GPC5: variants seen among roughly 807,000 people sequenced by gnomAD.
GPC5 encodes glypican 5, also known as glypican-5.
Under a neutral mutation model 53.9 loss-of-function variants are expected in GPC5, and 47 were observed. The ratio of observed to expected loss-of-function variants is 0.87; its 90% confidence interval spans 0.69 to 1.11. The LOEUF is 1.11. GPC5 is among the 50% of genes most tolerant of loss of function. The probability of loss-of-function intolerance (pLI) is 0.00; values close to 1 mark genes in which losing one functional copy is unlikely to be tolerated. For synonymous variants in GPC5, 286 were observed against 263.3 expected (o/e 1.09, Z -0.84); for missense variants, 748 against 713.1 (o/e 1.05, Z -0.56).
At chr13:91,569,997 A>G (rs902204339) in intron 2 of GPC5, among the ~76,000 whole-genome samples, 3 of 152,334 alleles carry the variant, frequency 2.0e-5, no homozygotes, top group South Asian at 4.1e-4. Flanking sequence ...TGAAAGAATA[A>G]GATAACAATT....
At chr13:92,740,281 T>G (rs1423430129) in intron 7 of GPC5, among the ~76,000 whole-genome samples, 1 of 152,084 alleles carries the variant, frequency 6.6e-6, no homozygotes. Context: ...TGAAGCACCA[T>G]GCACTTTGGC....
intron 6 of GPC5, among the ~76,000 whole-genome samples, chr13:91,955,224 G>T (rs2040062303): frequency 6.6e-6 from 1 of 152,070 alleles, no homozygotes; most frequent in Non-Finnish European, 1.5e-5. Context: ...ATTTAAATTG[G>T]CAAGCAGATT....
intron 2 of GPC5, among the ~76,000 whole-genome samples, chr13:91,681,139 A>G (rs966682346): frequency 6.6e-6 from 1 of 152,174 alleles, no homozygotes; most frequent in Admixed American, 6.5e-5. Flanking sequence ...TTACTGAGCT[A>G]CATATGTAAA....
intron 7 of GPC5, among the ~76,000 whole-genome samples, chr13:92,743,430 G>A (rs944146846): frequency 4.6e-5 from 7 of 152,134 alleles, no homozygotes; most frequent in Non-Finnish European, 7.3e-5. Flanking sequence ...TTTGCACATT[G>A]ATTTTGTATC....
chr13:91,830,175 G>A (rs757392772), intron 5 of GPC5, among the ~76,000 whole-genome samples: 6 of 151,972 alleles, frequency 3.9e-5, no homozygotes, highest in Non-Finnish European at 8.8e-5. Context: ...CCCCAGGCAC[G>A]TATTCTCTTT....
intron 6 of GPC5, among the ~76,000 whole-genome samples, chr13:92,133,361 C>T (rs776676409): frequency 3.3e-5 from 5 of 152,032 alleles, no homozygotes; most frequent in Non-Finnish European, 7.4e-5. Context: ...AGAATGAGCT[C>T]CTTTTGGAAG....
At chr13:91,498,239 A>ATTTTTTTTTTTTTT (rs60732957) in intron 2 of GPC5, among the ~76,000 whole-genome samples, 1 of 110,234 alleles carries the variant, frequency 9.1e-6, no homozygotes, top group African/African-American at 3.4e-5. Context: ...CTACCCAAAG[A>ATTTTTTTTTTTTTT]TTTTTTTTTT....
chr13:92,359,277 C>T (rs1072917), intron 7 of GPC5, among the ~76,000 whole-genome samples: 29,218 of 151,414 alleles, frequency 0.19, 3,205 homozygotes, highest in South Asian at 0.35. Flanking sequence ...CAGGAATGAC[C>T]TTTACTCCAT....
chr13:92,077,985 A>G (rs1476075494), intron 6 of GPC5, among the ~76,000 whole-genome samples: 1 of 52,016 alleles, frequency 1.9e-5, no homozygotes, highest in Admixed American at 2.0e-4. Flanking sequence ...AGATAGATAT[A>G]CATACATACA....
At chr13:91,543,683 C>T (rs1026903110) in intron 2 of GPC5, among the ~76,000 whole-genome samples, 4 of 152,228 alleles carry the variant, frequency 2.6e-5, no homozygotes, top group Admixed American at 6.5e-5. Context: ...TTCAGTTAAT[C>T]GTTCAGGTTG....
At chr13:91,456,115 A>C (rs1017609832) in intron 2 of GPC5, among the ~76,000 whole-genome samples, 11 of 152,154 alleles carry the variant, frequency 7.2e-5, no homozygotes, top group South Asian at 6.2e-4. Context: ...CCAGTCTCTT[A>C]CATTTATTAT....
intron 6 of GPC5, among the ~76,000 whole-genome samples, chr13:91,922,290 A>G (rs1038521516): frequency 6.6e-6 from 1 of 152,150 alleles, no homozygotes; most frequent in African/African-American, 2.4e-5. Flanking sequence ...TAGTACTCTG[A>G]TAAATATAAA....
intron 7 of GPC5, among the ~76,000 whole-genome samples, chr13:92,615,936 C>T (rs1278876676): frequency 2.6e-5 from 4 of 152,140 alleles, no homozygotes; most frequent in African/African-American, 9.6e-5. Flanking sequence ...TGCCTGTAGT[C>T]CCAGCTACTT....
At chr13:91,794,785 G>A (rs1383659261) in intron 5 of GPC5, among the ~76,000 whole-genome samples, 1 of 152,130 alleles carries the variant, frequency 6.6e-6, no homozygotes, top group Admixed American at 6.5e-5. Flanking sequence ...CTTTTAAATG[G>A]CAGTTTTTTA....
intron 7 of GPC5, among the ~76,000 whole-genome samples, chr13:92,226,252 T>C (rs1043204487): frequency 6.6e-6 from 1 of 152,202 alleles, no homozygotes; most frequent in Admixed American, 6.5e-5. Context: ...TCGGGGAGTT[T>C]ATAGCAGTGT....
intron 7 of GPC5, among the ~76,000 whole-genome samples, chr13:92,657,392 T>A (rs1209776670): frequency 6.6e-6 from 1 of 152,144 alleles, no homozygotes; most frequent in East Asian, 1.9e-4. Flanking sequence ...AGTCTTTTCA[T>A]GCTAAGTGTT....
Position 92,208,141 on chromosome 13 carries a change from G to T in GPC5, c.1561+63152G>T, listed in dbSNP as rs539767345. On this transcript the variant is annotated intron_variant, in intron 7 of 7. Transcript: ENST00000377067. Reference sequence around the variant, plus strand: ...GTGTTCACTCATTTCATGGACCCAGGTGGCCACCTCAAGCCAGTTCAACAA... The same window carrying T: ...GTGTTCACTCATTTCATGGACCCAGTTGGCCACCTCAAGCCAGTTCAACAA... Among the ~76,000 whole-genome samples, 48 of 152,274 alleles carry T rather than the reference G, an allele frequency of 3.2e-4. No homozygotes were observed. In the South Asian group the frequency reaches 9.5e-3, roughly 30 times the overall value.
intron 2 of GPC5, among the ~76,000 whole-genome samples, chr13:91,526,025 T>C (rs1460051688): frequency 6.6e-6 from 1 of 152,106 alleles, no homozygotes; most frequent in Non-Finnish European, 1.5e-5. Flanking sequence ...TTTTGGGGAT[T>C]GAGGACATGA....
chr13:91,782,204 C>T (rs1478078931), intron 5 of GPC5, among the ~76,000 whole-genome samples: 2 of 152,152 alleles, frequency 1.3e-5, no homozygotes, highest in African/African-American at 4.8e-5. Flanking sequence ...GTGGCAGCAG[C>T]CATATACTTC....
Sources: allele counts gnomAD v4.1 joint callset (sites outside exome capture counted in the v4.1 genomes callset), GRCh38; gene constraint gnomAD v4.1.1; transcripts MANE v1.5; gene names NCBI Gene and HGNC (gene_info 2026-07-23, HGNC 2026-07-21).